The following PUDP variants were observed in gnomAD, a reference collection of about 807,000 sequenced individuals.
The protein encoded by PUDP is pseudouridine 5'-phosphatase, also known as pseudouridine-5'-phosphatase.
In PUDP, 8 loss-of-function variants were observed where a neutral mutation model predicts 9.4. The ratio of observed to expected loss-of-function variants is 0.85; its 90% CI spans 0.50 to 1.53. The LOEUF is 1.53. Among genes scored for constraint, PUDP ranks in the 40% most tolerant of loss-of-function variants. The pLI is 0.00. For synonymous variants in PUDP, 99 were observed against 80.7 expected, an observed-to-expected ratio of 1.23 and a Z score of -1.22; for missense variants, 188 against 189.7, an observed-to-expected ratio of 0.99 and a Z score of 0.05.
intron 3 of PUDP, among the ~76,000 whole-genome samples, chrX:6,919,630 G>T (rs1927986962): frequency 9.1e-6 from 1 of 109,731 alleles, no homozygotes; most frequent in African/African-American, 3.3e-5. Context: ...ACTTCAGAAA[G>T]TAGGTGGCCA....
intron 3 of PUDP, among the ~76,000 whole-genome samples, chrX:6,911,442 C>T (rs191008671): frequency 9.0e-5 from 10 of 111,624 alleles, no homozygotes; most frequent in Non-Finnish European, 1.3e-4. Context: ...GATCCGCCCA[C>T]GTCAGCCTTC....
At chrX:7,077,136 T>G (rs933547503) in intron 3 of PUDP, 84 bp downstream of exon 3, 5 of 1,134,933 alleles carry the variant, frequency 4.4e-6, no homozygotes, top group Admixed American at 5.5e-5. Context: ...AACCACAACT[T>G]TTCACATTTA....
At chrX:6,917,596 A>G (rs768846756) in intron 3 of PUDP, among the ~76,000 whole-genome samples, 3 of 112,003 alleles carry the variant, frequency 2.7e-5, no homozygotes, top group Non-Finnish European at 5.6e-5. Flanking sequence ...AGCTTTGTGG[A>G]TTTATGAGTT....
At position 7,012,667 on chromosome X, in the gene PUDP, T is replaced by C. The variant is rs1306617178; in HGVS notation, c.205-34324A>G. On this transcript the variant is annotated intron_variant and NMD_transcript_variant, in intron 1 of 3. Transcript: ENST00000655425. The stretch of plus-strand genomic sequence containing the variant: ...TGAGCGGACTATGGGTAAGTGCCAA[T>C]GTGCAAAGTCGATGGTGCACACGTT... Among the ~76,000 whole-genome samples, 3 of 110,788 alleles carry C rather than the reference T, an allele frequency of 2.7e-5. No individual in the cohort carries two copies. The Admixed American group carries it at 2.9e-4, about 11-fold the overall frequency.
chrX:6,816,739 T>C (rs1397736379), intron 3 of PUDP, among the ~76,000 whole-genome samples: 1 of 95,486 alleles, frequency 1.0e-5, no homozygotes, highest in African/African-American at 3.8e-5. Flanking sequence ...TATACACACA[T>C]AGTATATACG....
In PUDP at chrX:7,137,368, C is replaced by G. The variant is rs111296567; in HGVS notation, c.61+10685G>C. Reference sequence around the variant, plus strand: ...CCATCCTGGCTAACATGGTGAAACCCTGTCTCTACTAAAAAAAAAATACAA... The same window carrying G: ...CCATCCTGGCTAACATGGTGAAACCGTGTCTCTACTAAAAAAAAAATACAA... On this transcript the variant is annotated intron_variant, in intron 1 of 3. Coordinates refer to ENST00000381077, the MANE Select transcript of PUDP (RefSeq NM_012080.5). Among the ~76,000 whole-genome samples, 692 of 106,075 alleles carry G rather than the reference C, an allele frequency of 6.5e-3. 9 individuals are homozygous for G. Among genetic ancestry groups the G allele is most frequent in the African/African-American group, 0.023 (668 of 28,961 alleles). 92.1% of individuals were successfully genotyped at this position (106,075 alleles called of 115,157 possible).
At chrX:6,711,005 C>T (rs191702871) in intron 1 of PUDP, among the ~76,000 whole-genome samples, 77 of 111,339 alleles carry the variant, frequency 6.9e-4, no homozygotes, top group Middle Eastern at 9.1e-3. Context: ...ATGTAAATTC[C>T]GTTTTGTGGA....
At chrX:6,932,041 TAATTA>T (rs1928199027) in intron 3 of PUDP, among the ~76,000 whole-genome samples, 2 of 112,411 alleles carry the variant, frequency 1.8e-5, no homozygotes, top group Middle Eastern at 4.6e-3. Flanking sequence ...GTAGCTTCTT[TAATTA>T]AATACTTATA....
At chrX:6,963,318 G>A (rs766450712) in intron 3 of PUDP, among the ~76,000 whole-genome samples, 2 of 111,217 alleles carry the variant, frequency 1.8e-5, no homozygotes, top group African/African-American at 6.5e-5. Context: ...GGCTGGAAAT[G>A]GGAATGCCTG....
chrX:6,924,091 C>T (rs190675508), intron 3 of PUDP, among the ~76,000 whole-genome samples: 361 of 111,249 alleles, frequency 3.2e-3, no homozygotes, highest in Non-Finnish European at 5.1e-3. Flanking sequence ...TTCCCAGACA[C>T]GTTGTGCAAA....
At chrX:7,004,324 G>A (rs1459607219) in intron 1 of PUDP, among the ~76,000 whole-genome samples, 2 of 111,675 alleles carry the variant, frequency 1.8e-5, no homozygotes, top group African/African-American at 3.3e-5. Context: ...GCTCAGTGTA[G>A]AGTGCATTGA....
intron 3 of PUDP, among the ~76,000 whole-genome samples, chrX:6,954,004 T>C (rs914328980): frequency 9.1e-6 from 1 of 109,948 alleles, no homozygotes; most frequent in African/African-American, 3.3e-5. Flanking sequence ...CCACTTCCCT[T>C]TCCCACTTCC....
intron 3 of PUDP, among the ~76,000 whole-genome samples, chrX:6,928,444 A>T (rs1928139694): frequency 9.0e-6 from 1 of 111,170 alleles, no homozygotes; most frequent in Admixed American, 9.6e-5. Flanking sequence ...TTGGTTTCTG[A>T]GCTCTAACAG....
intron 3 of PUDP, among the ~76,000 whole-genome samples, chrX:6,774,057 T>A (rs1431388143): frequency 9.0e-6 from 1 of 111,496 alleles, no homozygotes; most frequent in Admixed American, 9.5e-5. Flanking sequence ...GAGAATCACT[T>A]GAACCCAGGA....
At chrX:6,775,001 G>T (rs1817058798) in intron 3 of PUDP, among the ~76,000 whole-genome samples, 1 of 112,099 alleles carries the variant, frequency 8.9e-6, no homozygotes, top group Admixed American at 9.5e-5. Flanking sequence ...CTGTTTTAGA[G>T]TGTACAATTC....
At chrX:6,991,454 G>A (rs1929175304) in intron 1 of PUDP, among the ~76,000 whole-genome samples, 1 of 110,745 alleles carries the variant, frequency 9.0e-6, no homozygotes, top group Admixed American at 9.6e-5. Context: ...GAGACAAGAT[G>A]ATTGCTTGAG....
At chrX:7,132,458 GC>G (rs1225522069) in intron 1 of PUDP, among the ~76,000 whole-genome samples, 2 of 111,472 alleles carry the variant, frequency 1.8e-5, no homozygotes, top group African/African-American at 6.5e-5. Flanking sequence ...AACTTTACAG[GC>G]TTTTATCAGG....
rs759516225 is a variant in PUDP at position 7,091,840 on chromosome X, A to C, written c.280+13780T>G. Among the ~76,000 whole-genome samples, 6 of 112,569 alleles carry C rather than the reference A, an allele frequency of 5.3e-5. No homozygotes were observed. In the South Asian group the frequency reaches 2.2e-3, roughly 41 times the overall value. On this transcript the variant is annotated intron_variant, in intron 2 of 3. Transcript: ENST00000381077. ...TCTAAGGATCTATCACTACAAAATA[A>C]ATGTATAAAACAGCTATTTAAATAG...
At chrX:7,132,603 G>A (rs1932649564) in intron 1 of PUDP, among the ~76,000 whole-genome samples, 1 of 112,173 alleles carries the variant, frequency 8.9e-6, no homozygotes, top group Admixed American at 9.4e-5. Flanking sequence ...TAAGAATGCA[G>A]AAGCAATGCC....
Sources: allele counts gnomAD v4.1 joint callset (sites outside exome capture counted in the v4.1 genomes callset), GRCh38; gene constraint gnomAD v4.1.1; transcripts MANE v1.5; gene names NCBI Gene and HGNC (gene_info 2026-07-23, HGNC 2026-07-21).